Variants in RBFOX1 observed in about 807,000 individuals in gnomAD.
RBFOX1 encodes RNA binding protein fox-1 homolog 1.
A neutral mutation model predicts 57.7 loss-of-function variants in RBFOX1; 8 were observed. The ratio of observed to expected loss-of-function variants is 0.14; its 90% CI spans 0.08 to 0.25. RBFOX1 has a LOEUF of 0.25. RBFOX1 is among the 10% of genes least tolerant of loss of function. RBFOX1 has a pLI of 1.00. For synonymous variants in RBFOX1, 326 were observed against 222.4 expected (o/e 1.47, Z -4.15); for missense variants, 611 against 548.5 (o/e 1.11, Z -1.14).
intron 4 of RBFOX1, among the ~76,000 whole-genome samples, chr16:7,343,567 T>C (rs2096937975): frequency 6.6e-6 from 1 of 152,186 alleles, no homozygotes; most frequent in Admixed American, 6.5e-5. Context: ...CTGGGACTTT[T>C]CAGATTTTGT....
At chr16:7,467,411 A>T (rs1877712920) in intron 4 of RBFOX1, among the ~76,000 whole-genome samples, 1 of 152,128 alleles carries the variant, frequency 6.6e-6, no homozygotes. Context: ...GTGCACTTTG[A>T]ACAAAGAGGA....
At chr16:6,888,587 G>C (rs1473317768) in intron 3 of RBFOX1, among the ~76,000 whole-genome samples, 2 of 151,856 alleles carry the variant, frequency 1.3e-5, no homozygotes, top group African/African-American at 4.8e-5. Flanking sequence ...GTGTCCGTAG[G>C]GTTAGAAGTG....
intron 2 of RBFOX1, among the ~76,000 whole-genome samples, chr16:6,529,424 T>G (rs948706521): frequency 6.6e-6 from 1 of 151,954 alleles, no homozygotes; most frequent in Admixed American, 6.6e-5. Flanking sequence ...TTGGGTGTGG[T>G]GGCACACACC....
At chr16:7,472,752 A>G (rs1482863906) in intron 4 of RBFOX1, among the ~76,000 whole-genome samples, 1 of 152,182 alleles carries the variant, frequency 6.6e-6, no homozygotes, top group Admixed American at 6.5e-5. Context: ...ACTGTGGCAA[A>G]ATTGTTTCAC....
At chr16:6,842,606 G>T (rs962785246) in intron 3 of RBFOX1, among the ~76,000 whole-genome samples, 1 of 146,074 alleles carries the variant, frequency 6.8e-6, no homozygotes, top group African/African-American at 2.5e-5. Context: ...TATGTATCCA[G>T]TTTCCTGCTG....
intron 4 of RBFOX1, among the ~76,000 whole-genome samples, chr16:7,454,782 T>C (rs1263733296): frequency 6.6e-6 from 1 of 152,228 alleles, no homozygotes; most frequent in African/African-American, 2.4e-5. Context: ...CTGTGTTTTC[T>C]TTCCCTTTTG....
At chr16:5,994,188 G>A (rs566931919) in intron 4 of RBFOX1, among the ~76,000 whole-genome samples, 1 of 152,320 alleles carries the variant, frequency 6.6e-6, no homozygotes, top group East Asian at 1.9e-4. Flanking sequence ...TTGAGACAGA[G>A]TCTTGCTCTG....
chr16:6,485,010 T>TATC (rs1567392059), intron 2 of RBFOX1, among the ~76,000 whole-genome samples: 2 of 152,192 alleles, frequency 1.3e-5, no homozygotes, highest in East Asian at 1.9e-4. Flanking sequence ...ATTTTTTGAT[T>TATC]TAAATGTGTG....
chr16:7,156,758 C>G (rs2077232942), intron 4 of RBFOX1, among the ~76,000 whole-genome samples: 1 of 152,064 alleles, frequency 6.6e-6, no homozygotes, highest in African/African-American at 2.4e-5. Context: ...AGTTTTGTTG[C>G]TTTTCTACTT....
At position 6,477,081 on chromosome 16, in the gene RBFOX1, A is replaced by G. The variant is rs77147345; in HGVS notation, c.-64+160024A>G. On this transcript the variant is annotated intron_variant, in intron 2 of 15. Transcript: ENST00000550418. ...CTAGTTCTTTAGCTATTTCCTCCAC[A>G]TTTCCAGGTTCTTCCTCCACTGAAG... Among the ~76,000 whole-genome samples, 849 of 152,228 alleles carry G rather than the reference A, an allele frequency of 5.6e-3. 32 individuals are homozygous for G. The East Asian group carries it at 0.12, about 21-fold the overall frequency.
intron 3 of RBFOX1, among the ~76,000 whole-genome samples, chr16:6,867,356 G>T (rs2060122184): frequency 6.6e-6 from 1 of 151,986 alleles, no homozygotes; most frequent in Admixed American, 6.6e-5. Context: ...CTCTCTTGGG[G>T]TAGTGATTCT....
At chr16:6,105,039 T>A (rs769070182) in intron 1 of RBFOX1, among the ~76,000 whole-genome samples, 7 of 152,222 alleles carry the variant, frequency 4.6e-5, no homozygotes, top group Non-Finnish European at 1.0e-4. Context: ...AGATTTGCTT[T>A]GTCATTTTGT....
intron 3 of RBFOX1, among the ~76,000 whole-genome samples, chr16:5,714,189 C>G (rs2051602255): frequency 6.6e-6 from 1 of 152,190 alleles, no homozygotes; most frequent in Admixed American, 6.5e-5. Flanking sequence ...TTACTCTTCT[C>G]TGCCTTTTGC....
intron 2 of RBFOX1, among the ~76,000 whole-genome samples, chr16:6,573,280 G>A (rs1452395140): frequency 6.6e-6 from 1 of 152,102 alleles, no homozygotes; most frequent in African/African-American, 2.4e-5. Flanking sequence ...ACGCCTCACC[G>A]AAGTCTGCCA....
intron 4 of RBFOX1, among the ~76,000 whole-genome samples, chr16:7,173,328 G>A (rs1445678662): frequency 2.6e-5 from 4 of 152,134 alleles, no homozygotes; most frequent in Admixed American, 2.0e-4. Flanking sequence ...CTGGAGCTCA[G>A]TGCCACCATC....
chr16:5,897,331 G>T (rs905333334), intron 4 of RBFOX1, among the ~76,000 whole-genome samples: 12 of 152,156 alleles, frequency 7.9e-5, no homozygotes, highest in African/African-American at 2.6e-4. Context: ...CACCGCGCCC[G>T]GCCCTCCATC....
chr16:7,370,251 C>T (rs1164319803), intron 4 of RBFOX1, among the ~76,000 whole-genome samples: 2 of 152,168 alleles, frequency 1.3e-5, no homozygotes, highest in African/African-American at 4.8e-5. Context: ...TGATTGAGAA[C>T]TACTGCTCTA....
At chr16:7,257,339 C>A (rs1164166129) in intron 4 of RBFOX1, among the ~76,000 whole-genome samples, 6 of 152,156 alleles carry the variant, frequency 3.9e-5, no homozygotes, top group Admixed American at 3.3e-4. Context: ...AAGGTCACCA[C>A]CTGGGGTAAA....
At chr16:7,205,768 G>C (rs1226260662) in intron 4 of RBFOX1, among the ~76,000 whole-genome samples, 1 of 152,224 alleles carries the variant, frequency 6.6e-6, no homozygotes, top group African/African-American at 2.4e-5. Context: ...GGGCAAAAGT[G>C]AGTGCAGGGA....
Sources: allele counts gnomAD v4.1 joint callset (sites outside exome capture counted in the v4.1 genomes callset), GRCh38; gene constraint gnomAD v4.1.1; transcripts MANE v1.5; gene names NCBI Gene and HGNC (gene_info 2026-07-23, HGNC 2026-07-21).